DCK: variants seen among roughly 807,000 people sequenced by gnomAD.
DCK encodes deoxycytidine kinase.
Under a neutral mutation model 38.3 loss-of-function variants are expected in DCK, and 23 were observed. That is an observed-to-expected ratio of 0.60 (90% confidence interval 0.43 to 0.85). DCK has a LOEUF of 0.85. Ranked by LOEUF, DCK falls within the 40% of genes least tolerant of loss-of-function variation. The probability of loss-of-function intolerance (pLI) is 0.00; values close to 1 mark genes in which losing one functional copy is unlikely to be tolerated. For missense variants in DCK, 259 were observed against 304.4 expected (o/e 0.85, Z 1.11); for synonymous variants, 108 against 100.6 (o/e 1.07, Z -0.44).
intron 2 of DCK, among the ~76,000 whole-genome samples, chr4:71,018,608 G>T (rs1291874409): frequency 6.6e-6 from 1 of 151,800 alleles, no homozygotes; most frequent in Non-Finnish European, 1.5e-5. Context: ...TTTGCAGAGG[G>T]GAGAACTTGA....
At chr4:71,001,714 A>C (rs61434064) in intron 2 of DCK, among the ~76,000 whole-genome samples, 1,539 of 152,148 alleles carry the variant, frequency 0.01, 27 homozygotes, top group African/African-American at 0.035. Context: ...TAATCTTGGG[A>C]GGGCGTATGT....
intron 2 of DCK, among the ~76,000 whole-genome samples, chr4:71,011,138 T>G (rs2148915333): frequency 6.6e-6 from 1 of 152,070 alleles, no homozygotes; most frequent in Admixed American, 6.6e-5. Context: ...AGATGGGGTT[T>G]CACCATGTTG....
chr4:71,013,580 C>T (rs1343146761), intron 2 of DCK, among the ~76,000 whole-genome samples: 1 of 152,156 alleles, frequency 6.6e-6, no homozygotes. Context: ...ACGCTACAAG[C>T]CAGGAGAGAG....
At chr4:71,014,293 G>C (rs968923796) in intron 2 of DCK, among the ~76,000 whole-genome samples, 1 of 152,138 alleles carries the variant, frequency 6.6e-6, no homozygotes, top group Non-Finnish European at 1.5e-5. Flanking sequence ...CCTACAAAGA[G>C]ACTTAGACTC....
Position 71,029,483 on chromosome 4 carries a change from A to C in DCK, c.*105A>C. The stretch of plus-strand genomic sequence containing the variant: ...GTTTCTTTAGAAAACCCAAGTTTTT[A>C]ATCGTTTTTGTTTTAAGGAAAAAAG... On this transcript the variant is annotated 3_prime_UTR_variant, in exon 7 of 7. Transcript: ENST00000286648. The C allele has an allele frequency of 1.2e-6, 1 of 837,402 alleles. No individual in the cohort carries two copies. The highest frequency in any genetic ancestry group is 1.6e-5 in the South Asian group (1 of 61,904). The allele number at this position is 837,402 out of a possible 1,614,324, so 51.9% of individuals were successfully genotyped here. A position where few individuals can be genotyped will look rare whatever the true frequency, so the allele number is the denominator to read the frequency against.
intron 2 of DCK, among the ~76,000 whole-genome samples, chr4:71,016,099 G>A (rs1229554839): frequency 3.9e-5 from 6 of 152,224 alleles, no homozygotes; most frequent in East Asian, 1.9e-4. Flanking sequence ...AGGATACAAA[G>A]TCAATGTGCA....
At position 71,012,809 on chromosome 4, in the gene DCK, A is replaced by G. The variant is rs183688966; in HGVS notation, c.208-9558A>G. Among the ~76,000 whole-genome samples, 10 of 152,318 alleles carry G rather than the reference A, an allele frequency of 6.6e-5. No individual in the cohort carries two copies. In the East Asian group the frequency reaches 1.9e-3, roughly 29 times the overall value. ...ACCAAAGGTAGATAAAACCACAAAGATAGGGAAAAACAGAGCAGAAAAGCT... is the reference window on the plus strand; with the variant it reads ...ACCAAAGGTAGATAAAACCACAAAGGTAGGGAAAAACAGAGCAGAAAAGCT... On this transcript the variant is annotated intron_variant, in intron 2 of 6. Coordinates refer to ENST00000286648, the MANE Select transcript of DCK (RefSeq NM_000788.3).
At chr4:71,000,529 T>A (rs574710776) in intron 2 of DCK, among the ~76,000 whole-genome samples, 3 of 152,168 alleles carry the variant, frequency 2.0e-5, no homozygotes, top group Non-Finnish European at 4.4e-5. Context: ...CATATGAAAT[T>A]TAAGGTAGTT....
At position 71,030,032 on chromosome 4, in the gene DCK, C is replaced by G. The variant is rs1228495027; in HGVS notation, c.*654C>G. 1 of 152,554 alleles carries G rather than the reference C, an allele frequency of 6.6e-6. No homozygotes were observed. Among genetic ancestry groups the G allele is most frequent in the African/African-American group, 2.4e-5 (1 of 41,434 alleles). The allele number at this position is 152,554 out of a possible 1,614,324, so 9.5% of individuals were successfully genotyped here. On this transcript the variant is annotated 3_prime_UTR_variant, in exon 7 of 7. Transcript: ENST00000286648. Reference sequence around the variant, plus strand: ...TTGCAAACACTGTGATTACTCTTTGCTTTGTAGTTTGCTTTGCTTTGTAGG... The same window carrying G: ...TTGCAAACACTGTGATTACTCTTTGGTTTGTAGTTTGCTTTGCTTTGTAGG...
chr4:70,993,803 C>T lies in DCK; in HGVS notation c.-33C>T, dbSNP rs72552087. The T allele has an allele frequency of 7.2e-6, 11 of 1,535,458 alleles. No individual in the cohort carries two copies. In the Admixed American group the frequency reaches 1.0e-4, roughly 14 times the overall value. ...GTGGCCGCCTCCCAGCCCTCTTTGCCGGACGAGCTCTGGGCCGCCACAAGA... is the reference window on the plus strand; with the variant it reads ...GTGGCCGCCTCCCAGCCCTCTTTGCTGGACGAGCTCTGGGCCGCCACAAGA... On this transcript the variant is annotated 5_prime_UTR_variant, in exon 1 of 7. Transcript: ENST00000286648.
At chr4:71,017,571 C>T (rs1482281777) in intron 2 of DCK, among the ~76,000 whole-genome samples, 1 of 151,898 alleles carries the variant, frequency 6.6e-6, no homozygotes, top group Admixed American at 6.6e-5. Flanking sequence ...AAATGTGGCA[C>T]ATATACACCA....
intron 2 of DCK, among the ~76,000 whole-genome samples, chr4:70,999,119 G>A (rs113971493): frequency 3.3e-5 from 5 of 151,954 alleles, no homozygotes; most frequent in South Asian, 2.1e-4. Flanking sequence ...TGCTGCACCC[G>A]TCAACCCGTC....
chr4:70,997,807 T>A (rs950161403), intron 1 of DCK, among the ~76,000 whole-genome samples: 3 of 152,244 alleles, frequency 2.0e-5, no homozygotes, highest in Non-Finnish European at 2.9e-5. Flanking sequence ...GGAGTATTAC[T>A]TCTAGGTCAA....
At chr4:71,020,401 T>G (rs1209274446) in intron 2 of DCK, among the ~76,000 whole-genome samples, 1 of 152,244 alleles carries the variant, frequency 6.6e-6, no homozygotes, top group Non-Finnish European at 1.5e-5. Context: ...GATTGATTCA[T>G]CCGTTGTAAA....
At chr4:71,018,714 C>T (rs1478529175) in intron 2 of DCK, among the ~76,000 whole-genome samples, 6 of 142,868 alleles carry the variant, frequency 4.2e-5, no homozygotes, top group Non-Finnish European at 9.0e-5. Context: ...CTCTGTTACC[C>T]AGGCTGGAGT....
intron 2 of DCK, among the ~76,000 whole-genome samples, chr4:71,017,892 A>G (rs760258048): frequency 6.6e-6 from 1 of 152,090 alleles, no homozygotes; most frequent in African/African-American, 2.4e-5. Context: ...ACAAACCTGC[A>G]CGTTGTGCAC....
chr4:70,995,573 T>C (rs1435244288), intron 1 of DCK, among the ~76,000 whole-genome samples: 1 of 151,930 alleles, frequency 6.6e-6, no homozygotes, highest in East Asian at 1.9e-4. Flanking sequence ...AGCAAGACTC[T>C]GTTAAAAACA....
intron 2 of DCK, among the ~76,000 whole-genome samples, chr4:71,017,465 C>T (rs1341005696): frequency 6.6e-6 from 1 of 152,038 alleles, no homozygotes; most frequent in Admixed American, 6.6e-5. Context: ...TGCTGCTATA[C>T]AGACACATGC....
intron 1 of DCK, among the ~76,000 whole-genome samples, chr4:70,996,470 C>T (rs553948155): frequency 1.1e-4 from 17 of 152,264 alleles, no homozygotes; most frequent in Non-Finnish European, 2.5e-4. Context: ...CTGTTAACAC[C>T]GGGCCTGCAT....
Sources: allele counts gnomAD v4.1 joint callset (sites outside exome capture counted in the v4.1 genomes callset), GRCh38; gene constraint gnomAD v4.1.1; transcripts MANE v1.5; gene names NCBI Gene and HGNC (gene_info 2026-07-23, HGNC 2026-07-21).